Variants in SPAG16 observed in about 807,000 individuals in gnomAD.
SPAG16 encodes the protein sperm-associated antigen 16 protein.
A neutral mutation model predicts 80.4 loss-of-function variants in SPAG16; 86 were observed. The observed-to-expected ratio is 1.07, with a 90% confidence interval of 0.90 to 1.28. SPAG16 has a LOEUF of 1.28. Ranked by LOEUF, SPAG16 falls within the 50% of genes most tolerant of loss-of-function variation. The pLI is 0.00. For synonymous variants in SPAG16, 294 were observed against 265.9 expected (o/e 1.11, Z -1.03); for missense variants, 870 against 765.3 (o/e 1.14, Z -1.61).
At chr2:213,949,169 G>GTTTTTTTTTTTTTTTTTTTT (rs767648099) in intron 12 of SPAG16, among the ~76,000 whole-genome samples, 4 of 56,724 alleles carry the variant, frequency 7.1e-5, no homozygotes, top group Admixed American at 2.7e-4. Flanking sequence ...AATTACAACA[G>GTTTTTTTTTTTTTTTTTTTT]TTTTTTTTTT....
intron 10 of SPAG16, among the ~76,000 whole-genome samples, chr2:213,768,164 G>A (rs966187166): frequency 6.6e-6 from 1 of 152,154 alleles, no homozygotes; most frequent in Non-Finnish European, 1.5e-5. Flanking sequence ...GTACTCTGGG[G>A]TCTAAACAGA....
intron 10 of SPAG16, among the ~76,000 whole-genome samples, chr2:213,639,340 A>G (rs745702449): frequency 6.6e-6 from 1 of 152,100 alleles, no homozygotes; most frequent in Non-Finnish European, 1.5e-5. Flanking sequence ...TATAGGTCCT[A>G]TGAGATTTAT....
chr2:213,542,984 C>A (rs2076501865), intron 10 of SPAG16, among the ~76,000 whole-genome samples: 1 of 151,930 alleles, frequency 6.6e-6, no homozygotes, highest in African/African-American at 2.4e-5. Context: ...GGTAGATATC[C>A]AGCCAGACTG....
At chr2:213,387,431 CTTTTTTTTTT>C (rs71060428) in intron 9 of SPAG16, among the ~76,000 whole-genome samples, 18 of 47,918 alleles carry the variant, frequency 3.8e-4, no homozygotes, top group East Asian at 7.1e-4. Flanking sequence ...AATGCATGCT[CTTTTTTTTTT>C]TTTTTTTTTT....
chr2:213,970,647 T>C (rs751990987), intron 12 of SPAG16, among the ~76,000 whole-genome samples: 1 of 152,214 alleles, frequency 6.6e-6, no homozygotes, highest in Non-Finnish European at 1.5e-5. Context: ...TGAACATGAC[T>C]GGGCATATGT....
intron 10 of SPAG16, among the ~76,000 whole-genome samples, chr2:213,643,348 T>A (rs13020625): frequency 0.19 from 7,421 of 38,316 alleles, 1,065 homozygotes; most frequent in East Asian, 0.35. Context: ...GATCTTAATT[T>A]TATATATATA....
At chr2:214,086,301 C>T (rs2051745028) in intron 13 of SPAG16, among the ~76,000 whole-genome samples, 1 of 152,120 alleles carries the variant, frequency 6.6e-6, no homozygotes, top group Non-Finnish European at 1.5e-5. Context: ...TTCAAGATAA[C>T]TATATGTTTA....
At chr2:213,557,953 A>T (rs966234328) in intron 10 of SPAG16, among the ~76,000 whole-genome samples, 1 of 152,170 alleles carries the variant, frequency 6.6e-6, no homozygotes, top group African/African-American at 2.4e-5. Context: ...CTAGAGTAAA[A>T]TGTTCATTAT....
intron 15 of SPAG16, among the ~76,000 whole-genome samples, chr2:214,328,596 A>G (rs762931409): frequency 6.6e-6 from 1 of 152,208 alleles, no homozygotes; most frequent in East Asian, 1.9e-4. Flanking sequence ...GGGCAGTGCA[A>G]TTGGATTGAA....
At chr2:214,368,669 A>T (rs1224398435) in intron 15 of SPAG16, among the ~76,000 whole-genome samples, 2 of 152,020 alleles carry the variant, frequency 1.3e-5, no homozygotes, top group African/African-American at 4.8e-5. Context: ...TTCCACTATT[A>T]CTATTATCCT....
intron 14 of SPAG16, among the ~76,000 whole-genome samples, chr2:214,135,254 A>C (rs1047417803): frequency 2.6e-5 from 4 of 152,190 alleles, no homozygotes; most frequent in African/African-American, 9.6e-5. Context: ...CTCTTGGTCC[A>C]AGCCAGGGTC....
At chr2:213,641,579 A>C (rs1332894885) in intron 10 of SPAG16, among the ~76,000 whole-genome samples, 3 of 152,182 alleles carry the variant, frequency 2.0e-5, no homozygotes, top group Non-Finnish European at 4.4e-5. Flanking sequence ...AAAGTCAGAA[A>C]TGGCTTCCTT....
At chr2:213,392,111 G>C (rs1026196456) in intron 9 of SPAG16, among the ~76,000 whole-genome samples, 3 of 152,082 alleles carry the variant, frequency 2.0e-5, no homozygotes, top group African/African-American at 4.8e-5. Context: ...TAATTTAAAC[G>C]TAACCATATG....
chr2:213,941,351 T>C (rs953133), intron 12 of SPAG16, among the ~76,000 whole-genome samples: 83,078 of 152,026 alleles, frequency 0.55, 24,413 homozygotes, highest in South Asian at 0.78. Context: ...ATTTATAACT[T>C]GTAATGAATG....
At chr2:214,285,646 AC>A (rs1693299889) in intron 15 of SPAG16, among the ~76,000 whole-genome samples, 1 of 152,066 alleles carries the variant, frequency 6.6e-6, no homozygotes, top group African/African-American at 2.4e-5. Flanking sequence ...TACTAAAAAT[AC>A]AAAAAATTAG....
At chr2:213,740,440 A>G (rs1221074464) in intron 10 of SPAG16, among the ~76,000 whole-genome samples, 1 of 152,206 alleles carries the variant, frequency 6.6e-6, no homozygotes, top group African/African-American at 2.4e-5. Context: ...ACTACCAAAA[A>G]GAGGTGAGTG....
chr2:213,519,338 T>C (rs1369999868), intron 10 of SPAG16, among the ~76,000 whole-genome samples: 2 of 152,248 alleles, frequency 1.3e-5, no homozygotes, highest in African/African-American at 4.8e-5. Context: ...TCATCTTGAA[T>C]TGTACTCCCA....
At chr2:213,674,473 C>T (rs960950140) in intron 10 of SPAG16, among the ~76,000 whole-genome samples, 19 of 150,764 alleles carry the variant, frequency 1.3e-4, no homozygotes, top group South Asian at 4.2e-4. Context: ...CATGCTGGTG[C>T]GCTGCACCCA....
At chr2:214,113,271 T>G (rs2053766773) in intron 14 of SPAG16, among the ~76,000 whole-genome samples, 1 of 152,192 alleles carries the variant, frequency 6.6e-6, no homozygotes, top group South Asian at 2.1e-4. Context: ...CATTTCAACC[T>G]TGATGAATCT....
Sources: gnomAD v4.1 joint callset for allele counts (sites outside exome capture counted in the v4.1 genomes callset) on GRCh38, gnomAD v4.1.1 for gene constraint, MANE v1.5 for transcripts, NCBI Gene and HGNC (gene_info 2026-07-23, HGNC 2026-07-21) for gene names.